The following DNAJC12 variants were observed in gnomAD, a reference collection of about 807,000 sequenced individuals.
DNAJC12 encodes dnaJ homolog subfamily C member 12.
Under a neutral mutation model 28.5 loss-of-function variants are expected in DNAJC12, and 25 were observed. The observed-to-expected ratio is 0.88, with a 90% CI of 0.64 to 1.22. DNAJC12 has a LOEUF of 1.22. Ranked by LOEUF, DNAJC12 falls within the 50% of genes most tolerant of loss-of-function variation. The probability of loss-of-function intolerance (pLI) is 0.00; values close to 1 mark genes in which losing one functional copy is unlikely to be tolerated. For synonymous variants in DNAJC12, 77 were observed against 80.6 expected (o/e 0.95, Z 0.24); for missense variants, 222 against 231.7 (o/e 0.96, Z 0.27).
intron 2 of DNAJC12, among the ~76,000 whole-genome samples, chr10:67,812,367 G>A (rs1306393079): frequency 3.3e-5 from 5 of 152,194 alleles, no homozygotes; most frequent in African/African-American, 1.2e-4. Flanking sequence ...TTTGTCGTAA[G>A]AGAAACGGGA....
intron 3 of DNAJC12, chr10:67,811,270 G>C (rs1472329097): frequency 7.8e-7 from 1 of 1,287,484 alleles, no homozygotes; most frequent in African/African-American, 1.5e-5. Flanking sequence ...ATAACAGGGA[G>C]TGTGTATACT....
chr10:67,812,688 CAA>C (rs1172092515), intron 2 of DNAJC12, among the ~76,000 whole-genome samples: 58 of 95,658 alleles, frequency 6.1e-4, no homozygotes, highest in African/African-American at 1.1e-3. Flanking sequence ...GCTAAAAATA[CAA>C]AAAAAAAAAA....
chr10:67,834,770 G>A (rs937671797), intron 1 of DNAJC12, among the ~76,000 whole-genome samples: 16 of 152,108 alleles, frequency 1.1e-4, no homozygotes, highest in African/African-American at 3.6e-4. Context: ...GCAGTGAGCT[G>A]AGATCCTGCC....
chr10:67,831,501 A>G (rs1842093245), intron 1 of DNAJC12, among the ~76,000 whole-genome samples: 1 of 152,232 alleles, frequency 6.6e-6, no homozygotes, highest in Non-Finnish European at 1.5e-5. Context: ...CACTTGGATG[A>G]ATATTCTCCA....
chr10:67,818,445 G>A (rs1841937315), intron 2 of DNAJC12, among the ~76,000 whole-genome samples: 1 of 152,030 alleles, frequency 6.6e-6, no homozygotes, highest in Non-Finnish European at 1.5e-5. Flanking sequence ...CTGTTTCTCT[G>A]AACAAGACGC....
At chr10:67,832,189 C>T (rs1842100566) in intron 1 of DNAJC12, among the ~76,000 whole-genome samples, 4 of 150,088 alleles carry the variant, frequency 2.7e-5, no homozygotes, top group Non-Finnish European at 3.0e-5. Flanking sequence ...TGCTTGAACC[C>T]GGGAGGCGAA....
intron 3 of DNAJC12, 77 bp from the exon 4 acceptor site, chr10:67,805,864 G>A: frequency 8.5e-7 from 1 of 1,181,804 alleles, no homozygotes; most frequent in Non-Finnish European, 1.1e-6. Flanking sequence ...TTGATATGTG[G>A]TAACACCTGA....
intron 2 of DNAJC12, among the ~76,000 whole-genome samples, chr10:67,816,924 G>A (rs956913824): frequency 1.3e-5 from 2 of 152,068 alleles, no homozygotes; most frequent in Non-Finnish European, 2.9e-5. Context: ...CACACAGAGC[G>A]CTGGCATGAG....
intron 1 of DNAJC12, chr10:67,834,176 T>G (rs1484636236): frequency 1.4e-5 from 5 of 361,802 alleles, no homozygotes; most frequent in Non-Finnish European, 2.2e-5. Context: ...GCTATAATTT[T>G]TTTTAATTTC....
In DNAJC12 at chr10:67,805,719, G is replaced by A. The variant is rs779539805; in HGVS notation, c.366C>T (p.Thr122=). The A allele has an allele frequency of 6.2e-7, 1 of 1,612,656 alleles. No homozygotes were observed. The highest frequency in any genetic ancestry group is 1.1e-5 in the South Asian group (1 of 90,764). ...MLEESDKTHT[T]KMENEECNEQ... is the part of the protein sequence containing the mutation. ...CATTACATTCCTCATTTTCCATCTT[G>A]GTGGTATGAGTCTTGTCAGATTCTT... The change falls in exon 4 of 5, where the codon ACC becomes ACT. Residue 122 remains threonine, a synonymous_variant. Transcript: ENST00000225171.
chr10:67,822,103 A>C (rs1841986943), intron 2 of DNAJC12, among the ~76,000 whole-genome samples: 1 of 152,188 alleles, frequency 6.6e-6, no homozygotes, highest in Non-Finnish European at 1.5e-5. Context: ...GGGAGCCATC[A>C]AAAGAGCTGG....
chr10:67,818,472 C>A (rs1369973748), intron 2 of DNAJC12, among the ~76,000 whole-genome samples: 1 of 152,078 alleles, frequency 6.6e-6, no homozygotes, highest in East Asian at 1.9e-4. Context: ...GCAGCCCATA[C>A]ATGAAAACCC....
At chr10:67,805,486 T>A in intron 4 of DNAJC12, 97 bp downstream of exon 4, 5 of 1,290,478 alleles carry the variant, frequency 3.9e-6, no homozygotes, top group Non-Finnish European at 5.3e-6. Context: ...AACTTGGCAC[T>A]GCTGTGCAGA....
intron 4 of DNAJC12, among the ~76,000 whole-genome samples, chr10:67,798,475 T>C (rs1294507307): frequency 1.3e-5 from 2 of 151,486 alleles, no homozygotes; most frequent in Non-Finnish European, 2.9e-5. Flanking sequence ...AGCTCAGGAG[T>C]TCGAGACCAG....
chr10:67,831,663 C>A (rs1466357789), intron 1 of DNAJC12, among the ~76,000 whole-genome samples: 1 of 152,176 alleles, frequency 6.6e-6, no homozygotes, highest in African/African-American at 2.4e-5. Flanking sequence ...GTACAGAGCA[C>A]AATACTTAAT....
At chr10:67,823,607 A>T (rs994856748) in intron 1 of DNAJC12, among the ~76,000 whole-genome samples, 3 of 152,070 alleles carry the variant, frequency 2.0e-5, no homozygotes, top group Non-Finnish European at 4.4e-5. Context: ...AGGCTGAGGC[A>T]GAAGGACCCC....
intron 1 of DNAJC12, 46 bp downstream of exon 1, chr10:67,837,888 G>T: frequency 1.4e-6 from 2 of 1,387,854 alleles, no homozygotes; most frequent in Non-Finnish European, 2.0e-6. Flanking sequence ...AAATACTATT[G>T]TGAAAAAGAA....
intron 4 of DNAJC12, among the ~76,000 whole-genome samples, chr10:67,804,474 C>T (rs114362807): frequency 6.6e-6 from 1 of 152,202 alleles, no homozygotes. Context: ...CAGCCTCCTG[C>T]CTCAGCCTCT....
intron 1 of DNAJC12, 102 bp from the exon 2 acceptor site, chr10:67,823,494 G>A (rs1842000720): frequency 1.1e-6 from 1 of 875,424 alleles, no homozygotes; most frequent in Middle Eastern, 2.3e-4. Flanking sequence ...CGGATCACCA[G>A]GAATAAGACC....
Sources: gnomAD v4.1 joint callset for allele counts (sites outside exome capture counted in the v4.1 genomes callset) on GRCh38, gnomAD v4.1.1 for gene constraint, MANE v1.5 for transcripts, NCBI Gene and HGNC (gene_info 2026-07-23, HGNC 2026-07-21) for gene names.